Variants in ARHGAP40 observed in about 807,000 individuals in gnomAD.
ARHGAP40 encodes Rho GTPase activating protein 40.
Under a neutral mutation model 73.5 loss-of-function variants are expected in ARHGAP40, and 43 were observed. The ratio of observed to expected loss-of-function variants is 0.58; its 90% confidence interval spans 0.46 to 0.75. The LOEUF is 0.75. ARHGAP40 is among the 30% of genes least tolerant of loss of function. The pLI is 0.00. For missense variants in ARHGAP40, 734 were observed against 861.8 expected, an observed-to-expected ratio of 0.85 and a Z score of 1.86; for synonymous variants, 300 against 352.8, an observed-to-expected ratio of 0.85 and a Z score of 1.68.
At chr20:38,613,488 G>A (rs116663326) in intron 1 of ARHGAP40, among the ~76,000 whole-genome samples, 3 of 152,184 alleles carry the variant, frequency 2.0e-5, no homozygotes, top group Admixed American at 6.5e-5. Context: ...AGCAGTTTGG[G>A]TGTCATTGGT....
intron 11 of ARHGAP40, among the ~76,000 whole-genome samples, chr20:38,645,040 C>T (rs1011061405): frequency 6.6e-6 from 1 of 152,176 alleles, no homozygotes; most frequent in Non-Finnish European, 1.5e-5. Context: ...CCTGGGCACT[C>T]GTCTGTGTTC....
Position 38,647,072 on chromosome 20 carries a change from GC to G in ARHGAP40, c.1829del (p.Pro610LeufsTer48), listed in dbSNP as rs762648241. The G allele has an allele frequency of 2.8e-5, 36 of 1,305,198 alleles. No homozygotes were observed. Among genetic ancestry groups the G allele is most frequent in the Middle Eastern group, 2.1e-4 (1 of 4,716 alleles). The allele number at this position is 1,305,198 out of a possible 1,614,324, so 80.9% of individuals were successfully genotyped here. A position where few individuals can be genotyped will look rare whatever the true frequency, so the allele number is the denominator to read the frequency against. ...CTGAGGCAGTTCACAGAGCACCTCA[GC>G]CCTGGTTCCAAGGGTCAAGAAGACA... is the stretch of plus-strand genomic sequence containing the variant. On this transcript the variant is annotated frameshift_variant, in exon 13 of 15. Coordinates refer to ENST00000373345, the Ensembl canonical transcript of ARHGAP40. LOFTEE classifies it high-confidence loss of function.
At chr20:38,629,572 A>G in exon 5 of ARHGAP40, 1 of 1,305,414 alleles carries the variant, frequency 7.7e-7, no homozygotes, top group South Asian at 1.2e-5. Flanking sequence ...CTGCCTACTC[A>G]GAACAAGCTG....
At chr20:38,640,574 C>G (rs529349770) in intron 9 of ARHGAP40, among the ~76,000 whole-genome samples, 1 of 152,254 alleles carries the variant, frequency 6.6e-6, no homozygotes, top group African/African-American at 2.4e-5. Context: ...TGTTGCCCAC[C>G]CTCCACAGCA....
chr20:38,629,330 T>A (rs1403115799), intron 4 of ARHGAP40, among the ~76,000 whole-genome samples, 172 bp from the exon 5 acceptor site: 1 of 152,218 alleles, frequency 6.6e-6, no homozygotes, highest in Non-Finnish European at 1.5e-5. Context: ...AGGAAATCAC[T>A]TCCTGGGCAA....
chr20:38,638,137 A>G (rs1173225358), intron 7 of ARHGAP40, among the ~76,000 whole-genome samples: 1 of 145,842 alleles, frequency 6.9e-6, no homozygotes, highest in Non-Finnish European at 1.5e-5. Flanking sequence ...GTGAAACCCC[A>G]TCTCTACTAA....
At chr20:38,641,366 T>C (rs752779135) in intron 9 of ARHGAP40, among the ~76,000 whole-genome samples, 3 of 152,180 alleles carry the variant, frequency 2.0e-5, no homozygotes, top group Non-Finnish European at 4.4e-5. Flanking sequence ...GAAAACCTTC[T>C]ATCTGGGCCC....
Position 38,646,314 on chromosome 20 carries a change from A to AG in ARHGAP40, c.1710+132dup, listed in dbSNP as rs2089053012. ...CCAGCAACGGCCCAGTGAGGCCACC[A>AG]GGGGGCGTTGCGGCGCCGTCACGGG... On this transcript the variant is annotated intron_variant, in intron 12 of 14. Transcript: ENST00000373345. The surrounding 1 kb of genome is among the most constrained non-coding windows in gnomAD (Gnocchi z 4.5). 3 of 1,078,954 alleles carry AG rather than the reference A, an allele frequency of 2.8e-6. No homozygotes were observed. Among genetic ancestry groups the AG allele is most frequent in the East Asian group, 7.2e-5 (1 of 13,924 alleles). The allele number at this position is 1,078,954 out of a possible 1,614,324, so 66.8% of individuals were successfully genotyped here.
At position 38,646,493 on chromosome 20, in the gene ARHGAP40, G is replaced by C. The variant is rs186415601; in HGVS notation, c.1710+306G>C. ...TGGGAAAATGGGAGTCGCTCTGCGGGGTGTGAGGTGATTGGGGCTGGGTGG... is the reference window on the plus strand; with the variant it reads ...TGGGAAAATGGGAGTCGCTCTGCGGCGTGTGAGGTGATTGGGGCTGGGTGG... On this transcript the variant is annotated intron_variant, in intron 12 of 14. Transcript: ENST00000373345. This position sits in a 1 kb window ranked among gnomAD's most constrained non-coding sequence, Gnocchi z 4.5. Among the ~76,000 whole-genome samples the C allele has an allele frequency of 2.1e-4, 32 of 152,334 alleles. No individual in the cohort carries two copies. Among genetic ancestry groups the C allele is most frequent in the African/African-American group, 7.5e-4 (31 of 41,580 alleles).
chr20:38,614,865 G>A (rs926142730), intron 1 of ARHGAP40: 12 of 1,101,560 alleles, frequency 1.1e-5, no homozygotes, highest in African/African-American at 7.7e-5. Context: ...ACCTCATCAC[G>A]TCCTGAGCGT....
rs550520451 is a variant in ARHGAP40 at position 38,646,021 on chromosome 20, G to A, written c.1570-26G>A. ...TCGCCCCCAGAAGTCCTATCCCCCT[G>A]CCAAAACTTGATCCTTTCTGGCCAG... On this transcript the variant is annotated intron_variant, in intron 11 of 14. Coordinates refer to ENST00000373345, the Ensembl canonical transcript of ARHGAP40. The surrounding 1 kb of genome is among the most constrained non-coding windows in gnomAD (Gnocchi z 4.5). 1.2e-4 allele frequency: 150 copies of A among 1,286,852 alleles called. No homozygotes were observed. In the African/African-American group the frequency reaches 2.2e-3, roughly 19 times the overall value. The allele number at this position is 1,286,852 out of a possible 1,614,324, so 79.7% of individuals were successfully genotyped here. A position where few individuals can be genotyped will look rare whatever the true frequency, so the allele number is the denominator to read the frequency against.
At chr20:38,648,460 G>A (rs1214847500) in intron 13 of ARHGAP40, among the ~76,000 whole-genome samples, 183 bp from the exon 14 acceptor site, 1 of 152,224 alleles carries the variant, frequency 6.6e-6, no homozygotes, top group Non-Finnish European at 1.5e-5. Flanking sequence ...CAGCCCCTGG[G>A]TGCTGGACTC....
At chr20:38,637,498 T>A (rs2088983031) in intron 6 of ARHGAP40, among the ~76,000 whole-genome samples, 1 of 152,020 alleles carries the variant, frequency 6.6e-6, no homozygotes. Context: ...GAGACATATC[T>A]CCTCAGCAGT....
chr20:38,605,937 G>A (rs538395656), intron 1 of ARHGAP40, among the ~76,000 whole-genome samples: 68 of 152,072 alleles, frequency 4.5e-4, no homozygotes, highest in African/African-American at 1.5e-3. Context: ...ACCAGGCTGA[G>A]GCTGGAGTGC....
intron 11 of ARHGAP40, among the ~76,000 whole-genome samples, chr20:38,644,954 A>G (rs759220914): frequency 6.6e-6 from 1 of 152,052 alleles, no homozygotes; most frequent in Admixed American, 6.5e-5. Context: ...TTCCATGGTC[A>G]TTAGGTTAGA....
At chr20:38,615,109 A>G (rs568855188) in intron 1 of ARHGAP40, 4 of 957,138 alleles carry the variant, frequency 4.2e-6, no homozygotes, top group Non-Finnish European at 6.9e-6. Context: ...CGAGTGTCCC[A>G]TATATCCTTG....
intron 5 of ARHGAP40, among the ~76,000 whole-genome samples, chr20:38,633,359 TATTTG>T (rs1301184252): frequency 6.6e-6 from 1 of 152,214 alleles, no homozygotes; most frequent in Non-Finnish European, 1.5e-5. Context: ...GTACTTCACA[TATTTG>T]ATTTAATTTC....
At chr20:38,606,327 T>G (rs929537104) in intron 1 of ARHGAP40, among the ~76,000 whole-genome samples, 1 of 152,248 alleles carries the variant, frequency 6.6e-6, no homozygotes, top group African/African-American at 2.4e-5. Flanking sequence ...TGTGTACTTA[T>G]GATACATTTT....
At chr20:38,605,430 G>C (rs187999653) in intron 1 of ARHGAP40, among the ~76,000 whole-genome samples, 49 of 152,282 alleles carry the variant, frequency 3.2e-4, no homozygotes, top group African/African-American at 1.1e-3. Context: ...TCATCAAACA[G>C]AACATCCCAT....
Sources: gnomAD v4.1 joint callset for allele counts (sites outside exome capture counted in the v4.1 genomes callset) on GRCh38, gnomAD v4.1.1 for gene constraint, Gnocchi (gnomAD v3.1) non-coding constraint, MANE v1.5 for transcripts, NCBI Gene and HGNC (gene_info 2026-07-23, HGNC 2026-07-21) for gene names.